The following TMEM135 variants were observed in gnomAD, a reference collection of about 807,000 sequenced individuals.
TMEM135 encodes peroxisomal membrane protein 52.
TMEM135 carries 30 observed loss-of-function variants against 60.3 expected under a neutral mutation model. The ratio of observed to expected loss-of-function variants is 0.50; its 90% CI spans 0.37 to 0.68. TMEM135 has a LOEUF of 0.68. TMEM135 is among the 30% of genes least tolerant of loss of function. TMEM135 has a pLI of 0.00. For missense variants in TMEM135, 468 were observed against 548.8 expected (o/e 0.85, Z 1.47); for synonymous variants, 190 against 186.7 (o/e 1.02, Z -0.14).
chr11:87,125,226 C>T (rs1361159931), intron 4 of TMEM135, among the ~76,000 whole-genome samples: 1 of 152,136 alleles, frequency 6.6e-6, no homozygotes, highest in African/African-American at 2.4e-5. Context: ...GCACAGATAG[C>T]CAATGCGCTG....
Position 87,322,169 on chromosome 11 carries a change from T to G in TMEM135, c.*836T>G, listed in dbSNP as rs1433876428. 1.5e-5 allele frequency: 7 copies of G among 454,424 alleles called. No homozygotes were observed. Among genetic ancestry groups the G allele is most frequent in the Non-Finnish European group, 2.6e-5 (6 of 226,706 alleles). The allele number at this position is 454,424 out of a possible 1,614,324, so 28.1% of individuals were successfully genotyped here. A position where few individuals can be genotyped will look rare whatever the true frequency, so the allele number is the denominator to read the frequency against. ...ATAGGTTTATGATGTTTGTTTTCATTTATATGGACATAATCCTTCATAGCT... is the reference window on the plus strand; with the variant it reads ...ATAGGTTTATGATGTTTGTTTTCATGTATATGGACATAATCCTTCATAGCT... On this transcript the variant is annotated 3_prime_UTR_variant, in exon 15 of 15. Transcript: ENST00000305494.
At position 87,325,546 on chromosome 11, in the gene TMEM135, C is replaced by T. The variant is rs1290208082; in HGVS notation, c.*4213C>T. The T allele has an allele frequency of 2.2e-6, 1 of 453,794 alleles. No homozygotes were observed. Among genetic ancestry groups the T allele is most frequent in the Non-Finnish European group, 4.4e-6 (1 of 226,754 alleles). 28.1% of individuals were successfully genotyped at this position (453,794 alleles called of 1,614,324 possible). A position where few individuals can be genotyped will look rare whatever the true frequency, so the allele number is the denominator to read the frequency against. On this transcript the variant is annotated 3_prime_UTR_variant, in exon 15 of 15. Coordinates refer to ENST00000305494, the MANE Select transcript of TMEM135 (RefSeq NM_022918.4). The stretch of plus-strand genomic sequence containing the variant: ...TCTGTCTCTCTTGCTGCTCCCTCTC[C>T]CTGCCACCTTGTCCATTCTCTGCTT...
In TMEM135 at chr11:87,182,441, C is replaced by T. The variant is rs537202335; in HGVS notation, c.462+25035C>T. 2.6e-5 allele frequency among the ~76,000 whole-genome samples: 4 copies of T among 152,110 alleles called. No homozygotes were observed. The East Asian group carries it at 7.7e-4, about 29-fold the overall frequency. ...GATAAAATGATTTAAATGGTAGCAC[C>T]TTGACTAAGGTGCTGTGAGTGGTAG... On this transcript the variant is annotated intron_variant, in intron 5 of 14. Transcript: ENST00000305494.
intron 1 of TMEM135, among the ~76,000 whole-genome samples, chr11:87,063,799 A>G (rs563735873): frequency 2.6e-5 from 4 of 152,360 alleles, no homozygotes; most frequent in Non-Finnish European, 5.9e-5. Context: ...GTTTCTCACA[A>G]TAGACTGTAC....
In TMEM135 at chr11:87,259,025, C is replaced by T. The variant is rs556869160; in HGVS notation, c.509+22341C>T. 554 of 1,516,400 alleles carry T rather than the reference C, an allele frequency of 3.7e-4. 11 individuals are homozygous for T. In the South Asian group the frequency reaches 5.7e-3, roughly 16 times the overall value. The allele number at this position is 1,516,400 out of a possible 1,614,324, so 93.9% of individuals were successfully genotyped here. ...ATAAAGGAAGTGGTCCCAATCCACACGGCTGCCCTGGGAAACCTGTACATT... is the reference window on the plus strand; with the variant it reads ...ATAAAGGAAGTGGTCCCAATCCACATGGCTGCCCTGGGAAACCTGTACATT... On this transcript the variant is annotated intron_variant, in intron 6 of 14. Transcript: ENST00000305494.
chr11:87,043,415 C>T (rs1462157844), intron 1 of TMEM135, among the ~76,000 whole-genome samples: 1 of 152,020 alleles, frequency 6.6e-6, no homozygotes, highest in African/African-American at 2.4e-5. Flanking sequence ...TTGCTGCACA[C>T]ATACATATGA....
chr11:87,083,996 A>T (rs745515000), intron 3 of TMEM135, among the ~76,000 whole-genome samples: 12 of 152,076 alleles, frequency 7.9e-5, no homozygotes, highest in Non-Finnish European at 1.8e-4. Context: ...GGATATATAC[A>T]TATTTAGAAT....
In TMEM135 at chr11:87,305,317, C is replaced by A. The variant is rs566150925; in HGVS notation, c.699-619C>A. Among the ~76,000 whole-genome samples, 8 of 152,044 alleles carry A rather than the reference C, an allele frequency of 5.3e-5. No homozygotes were observed. In the East Asian group the frequency reaches 1.4e-3, roughly 26 times the overall value. ...ATATACATATTTTTTCATATTTAAC[C>A]ACAAATAACAGTGTGGTTTCTCCAG... On this transcript the variant is annotated intron_variant, in intron 8 of 14. Coordinates refer to ENST00000305494, the MANE Select transcript of TMEM135 (RefSeq NM_022918.4).
intron 6 of TMEM135, among the ~76,000 whole-genome samples, chr11:87,252,195 G>T (rs1941431479): frequency 6.6e-6 from 1 of 152,046 alleles, no homozygotes; most frequent in African/African-American, 2.4e-5. Context: ...AAGTTTAAGT[G>T]AATAAGAGAA....
chr11:87,142,076 G>A (rs1461360294), intron 4 of TMEM135, among the ~76,000 whole-genome samples: 1 of 152,134 alleles, frequency 6.6e-6, no homozygotes, highest in East Asian at 1.9e-4. Context: ...CTTTGCTTTA[G>A]ATCTCTTTAA....
In TMEM135 at chr11:87,324,798, G is replaced by A. The variant is rs1260637499; in HGVS notation, c.*3465G>A. 1 of 453,680 alleles carries A rather than the reference G, an allele frequency of 2.2e-6. No individual in the cohort carries two copies. Among genetic ancestry groups the A allele is most frequent in the Non-Finnish European group, 4.4e-6 (1 of 226,734 alleles). The allele number at this position is 453,680 out of a possible 1,614,324, so 28.1% of individuals were successfully genotyped here. A position where few individuals can be genotyped will look rare whatever the true frequency, so the allele number is the denominator to read the frequency against. On this transcript the variant is annotated 3_prime_UTR_variant, in exon 15 of 15. Coordinates refer to ENST00000305494, the MANE Select transcript of TMEM135 (RefSeq NM_022918.4). Reference sequence around the variant, plus strand: ...CAAAGTTGTCCTTTGTTTCCCAAAGGCAAAAGTATACATTTCTTACTAAGA... The same window carrying A: ...CAAAGTTGTCCTTTGTTTCCCAAAGACAAAAGTATACATTTCTTACTAAGA...
intron 1 of TMEM135, among the ~76,000 whole-genome samples, chr11:87,049,612 C>T (rs1949823831): frequency 8.2e-6 from 1 of 122,176 alleles, no homozygotes. Context: ...ACAAGAGAAG[C>T]TAACTATCCT....
chr11:87,155,498 A>C (rs1365057534), intron 4 of TMEM135, among the ~76,000 whole-genome samples: 1 of 152,100 alleles, frequency 6.6e-6, no homozygotes, highest in Non-Finnish European at 1.5e-5. Context: ...TTATATGTGG[A>C]TGTAACTGTA....
At chr11:87,131,424 A>C (rs1461918456) in intron 4 of TMEM135, among the ~76,000 whole-genome samples, 1 of 152,052 alleles carries the variant, frequency 6.6e-6, no homozygotes, top group African/African-American at 2.4e-5. Context: ...ATCCCTCACT[A>C]GAGTGTGGTC....
intron 5 of TMEM135, among the ~76,000 whole-genome samples, chr11:87,226,174 T>C (rs1290611120): frequency 6.6e-6 from 1 of 152,156 alleles, no homozygotes; most frequent in East Asian, 1.9e-4. Context: ...TCTTGGTAAA[T>C]TGTAAACCTA....
At chr11:87,314,769 T>G (rs1342647965) in intron 12 of TMEM135, among the ~76,000 whole-genome samples, 1 of 151,852 alleles carries the variant, frequency 6.6e-6, no homozygotes, top group African/African-American at 2.4e-5. Context: ...GCACCCATCA[T>G]GCAGCTTCAA....
chr11:87,322,369 C>T lies in TMEM135; in HGVS notation c.*1036C>T, dbSNP rs1418731103. 4.4e-6 allele frequency: 2 copies of T among 453,796 alleles called. No individual in the cohort carries two copies. Among genetic ancestry groups the T allele is most frequent in the African/African-American group, 4.0e-5 (2 of 49,946 alleles). 28.1% of individuals were successfully genotyped at this position (453,796 alleles called of 1,614,324 possible). A position where few individuals can be genotyped will look rare whatever the true frequency, so the allele number is the denominator to read the frequency against. Reference sequence around the variant, plus strand: ...TTAAAAAGTCCATTTGTCACTAATTCCATTCAGGTTCTCCAACCTTCTTCT... The same window carrying T: ...TTAAAAAGTCCATTTGTCACTAATTTCATTCAGGTTCTCCAACCTTCTTCT... On this transcript the variant is annotated 3_prime_UTR_variant, in exon 15 of 15. Transcript: ENST00000305494.
intron 5 of TMEM135, among the ~76,000 whole-genome samples, chr11:87,163,866 C>G (rs968910106): frequency 6.9e-6 from 1 of 145,374 alleles, no homozygotes; most frequent in Non-Finnish European, 1.5e-5. Flanking sequence ...ATGTCCTTCG[C>G]CCACTTTTTG....
intron 1 of TMEM135, among the ~76,000 whole-genome samples, chr11:87,066,674 T>C (rs546824108): frequency 6.6e-6 from 1 of 151,940 alleles, no homozygotes; most frequent in African/African-American, 2.4e-5. Context: ...TGATATTTTT[T>C]ATAAAACAGT....
Sources: allele counts gnomAD v4.1 joint callset (sites outside exome capture counted in the v4.1 genomes callset), GRCh38; gene constraint gnomAD v4.1.1; transcripts MANE v1.5; gene names NCBI Gene and HGNC (gene_info 2026-07-23, HGNC 2026-07-21).